The following MCTP1 variants were observed in gnomAD, a reference collection of about 807,000 sequenced individuals.
MCTP1 encodes the protein multiple C2 and transmembrane domain-containing protein 1.
MCTP1 carries 69 observed loss-of-function variants against 120.6 expected under a neutral mutation model. That is an observed-to-expected ratio of 0.57 (90% CI 0.47 to 0.70). MCTP1 has a LOEUF of 0.70. Among genes scored for constraint, MCTP1 ranks in the 30% least tolerant of loss-of-function variants. The probability of loss-of-function intolerance (pLI) is 0.00; values close to 1 mark genes in which losing one functional copy is unlikely to be tolerated. For synonymous variants in MCTP1, 529 were observed against 493.1 expected (o/e 1.07, Z -0.96); for missense variants, 1,203 against 1,248.8 (o/e 0.96, Z 0.55).
intron 19 of MCTP1, among the ~76,000 whole-genome samples, chr5:94,725,240 TG>T (rs1326036629): frequency 6.6e-6 from 1 of 152,222 alleles, no homozygotes; most frequent in African/African-American, 2.4e-5. Context: ...AAATCCCTCC[TG>T]GTTAGGTTTA....
chr5:94,864,068 G>A (rs1367513252), intron 17 of MCTP1, among the ~76,000 whole-genome samples: 2 of 151,830 alleles, frequency 1.3e-5, no homozygotes, highest in Non-Finnish European at 2.9e-5. Flanking sequence ...GAGTGGCTTC[G>A]ATGAATTGCC....
chr5:95,260,473 A>G (rs1758373333), intron 1 of MCTP1, among the ~76,000 whole-genome samples: 1 of 152,166 alleles, frequency 6.6e-6, no homozygotes, highest in African/African-American at 2.4e-5. Flanking sequence ...GCGCAAAAGC[A>G]TCGTGAGACC....
chr5:95,058,684 A>T (rs1368550233), intron 1 of MCTP1, among the ~76,000 whole-genome samples: 1 of 143,378 alleles, frequency 7.0e-6, no homozygotes, highest in Non-Finnish European at 1.5e-5. Flanking sequence ...AAAGGTGTCC[A>T]TGGAGGGAAA....
intron 17 of MCTP1, among the ~76,000 whole-genome samples, chr5:94,817,967 C>T (rs1235475402): frequency 6.6e-6 from 1 of 152,056 alleles, no homozygotes; most frequent in Non-Finnish European, 1.5e-5. Flanking sequence ...CAGACCTGGT[C>T]AAAAAGAGTA....
intron 19 of MCTP1, among the ~76,000 whole-genome samples, chr5:94,751,028 C>A (rs1047082418): frequency 6.6e-6 from 1 of 152,054 alleles, no homozygotes; most frequent in Non-Finnish European, 1.5e-5. Context: ...TGCAACTGAC[C>A]CAACAGTCCC....
intron 1 of MCTP1, among the ~76,000 whole-genome samples, chr5:95,200,427 C>T (rs541336713): frequency 1.6e-4 from 25 of 151,976 alleles, no homozygotes; most frequent in Non-Finnish European, 2.5e-4. Flanking sequence ...TTCAAAATAC[C>T]CAAGACATGA....
At chr5:94,734,371 T>C (rs1249181775) in intron 19 of MCTP1, among the ~76,000 whole-genome samples, 2 of 152,220 alleles carry the variant, frequency 1.3e-5, no homozygotes, top group Admixed American at 6.5e-5. Context: ...TAAAAAAAAC[T>C]CTGGTAAACA....
chr5:94,823,954 C>T (rs760552581), intron 17 of MCTP1, among the ~76,000 whole-genome samples: 2 of 151,992 alleles, frequency 1.3e-5, no homozygotes, highest in Admixed American at 6.6e-5. Flanking sequence ...GCAGAGACAA[C>T]GAGGTCTTCT....
intron 17 of MCTP1, among the ~76,000 whole-genome samples, chr5:94,820,558 A>C (rs916145751): frequency 2.0e-5 from 3 of 151,328 alleles, no homozygotes; most frequent in Non-Finnish European, 4.4e-5. Flanking sequence ...TGTGGAGGCG[A>C]GGTGGCATTT....
At chr5:94,859,247 A>G (rs923761975) in intron 17 of MCTP1, among the ~76,000 whole-genome samples, 2 of 151,700 alleles carry the variant, frequency 1.3e-5, no homozygotes, top group Admixed American at 6.6e-5. Flanking sequence ...GAGGCACGCA[A>G]TAGGCTCTTG....
intron 1 of MCTP1, among the ~76,000 whole-genome samples, chr5:95,214,061 A>T (rs1347268996): frequency 6.6e-6 from 1 of 152,300 alleles, no homozygotes; most frequent in East Asian, 1.9e-4. Context: ...AGAAACCACC[A>T]TCAGAGTGAA....
intron 22 of MCTP1, 182 bp downstream of exon 22, chr5:94,708,330 A>G (rs1479143192): frequency 4.3e-6 from 2 of 465,814 alleles, no homozygotes; most frequent in Middle Eastern, 5.8e-4. Flanking sequence ...CATTCTCTGT[A>G]AGTGCTTCTT....
intron 7 of MCTP1, among the ~76,000 whole-genome samples, chr5:94,920,785 A>ATAAATAAT (rs1421944592): frequency 1.6e-4 from 23 of 147,408 alleles, no homozygotes; most frequent in African/African-American, 5.2e-4. Flanking sequence ...AAATAAATAA[A>ATAAATAAT]TAATAAAAAG....
chr5:94,732,740 A>T (rs1452942393), intron 19 of MCTP1, among the ~76,000 whole-genome samples: 7 of 152,162 alleles, frequency 4.6e-5, no homozygotes, highest in Admixed American at 4.6e-4. Flanking sequence ...ATGTGAGGAC[A>T]CAGCTGAAAG....
intron 9 of MCTP1, among the ~76,000 whole-genome samples, chr5:94,911,553 G>A (rs1389137858): frequency 6.6e-6 from 1 of 152,154 alleles, no homozygotes; most frequent in South Asian, 2.1e-4. Flanking sequence ...AGACATGCTT[G>A]ATTCCACTTT....
intron 1 of MCTP1, among the ~76,000 whole-genome samples, chr5:95,134,725 G>C (rs1759303865): frequency 6.6e-6 from 1 of 152,040 alleles, no homozygotes. Context: ...TGCTAATACA[G>C]GTCAAAGGAA....
chr5:94,772,003 T>C (rs1774190081), intron 19 of MCTP1, among the ~76,000 whole-genome samples: 1 of 152,114 alleles, frequency 6.6e-6, no homozygotes. Context: ...GCTTCCTCCA[T>C]CTCCAAAGCC....
intron 1 of MCTP1, among the ~76,000 whole-genome samples, chr5:95,196,305 C>T (rs1488272323): frequency 6.6e-6 from 1 of 152,138 alleles, no homozygotes; most frequent in Non-Finnish European, 1.5e-5. Flanking sequence ...ACTAAGCATG[C>T]AGATATTAAA....
At chr5:95,110,632 A>G (rs903459533) in intron 1 of MCTP1, among the ~76,000 whole-genome samples, 2 of 152,192 alleles carry the variant, frequency 1.3e-5, no homozygotes, top group Non-Finnish European at 2.9e-5. Context: ...AGATATATCC[A>G]TGGACAAAGT....
Sources: allele counts gnomAD v4.1 joint callset (sites outside exome capture counted in the v4.1 genomes callset), GRCh38; gene constraint gnomAD v4.1.1; transcripts MANE v1.5; gene names NCBI Gene and HGNC (gene_info 2026-07-23, HGNC 2026-07-21).